Variants in DISC1 observed in about 807,000 individuals in gnomAD.
DISC1 encodes DISC1 scaffold protein.
In DISC1, 57 loss-of-function variants were observed where a neutral mutation model predicts 84.5. The ratio of observed to expected loss-of-function variants is 0.67; its 90% CI spans 0.55 to 0.84. DISC1 has a LOEUF of 0.84. Among genes scored for constraint, DISC1 ranks in the 40% least tolerant of loss-of-function variants. The pLI is 0.00. For missense variants in DISC1, 1,000 were observed against 1,057.8 expected, an observed-to-expected ratio of 0.95 and a Z score of 0.76; for synonymous variants, 411 against 415.2, an observed-to-expected ratio of 0.99 and a Z score of 0.12.
At chr1:231,866,724 A>T in intron 9 of DISC1, 1 of 1,350,312 alleles carries the variant, frequency 7.4e-7, no homozygotes, top group Non-Finnish European at 9.5e-7. Context: ...CATGTCTTCG[A>T]CTTTCTAGTC....
At position 231,795,109 on chromosome 1, in the gene DISC1, G is replaced by C. The variant is rs924303494; in HGVS notation, c.1635-133G>C. The C allele has an allele frequency of 3.9e-5, 32 of 812,418 alleles. No individual in the cohort carries two copies. The African/African-American group carries it at 4.1e-4, about 10-fold the overall frequency. 50.3% of individuals were successfully genotyped at this position (812,418 alleles called of 1,614,324 possible). Reference sequence around the variant, plus strand: ...TTCCGTAGTCAAATGGAGCCAATTTGGCATCATCTTTCCTCCTGCACTTCT... The same window carrying C: ...TTCCGTAGTCAAATGGAGCCAATTTCGCATCATCTTTCCTCCTGCACTTCT... On this transcript the variant is annotated intron_variant, in intron 6 of 12. Transcript: ENST00000439617.
chr1:232,004,962 T>TTCCG (rs1357152075), intron 10 of DISC1, among the ~76,000 whole-genome samples: 3 of 113,062 alleles, frequency 2.7e-5, no homozygotes, highest in Admixed American at 1.7e-4. Flanking sequence ...CCTTCCTTCC[T>TTCCG]TCCTTCTTCC....
intron 6 of DISC1, 125 bp from the exon 7 acceptor site, chr1:231,795,117 C>G: frequency 4.4e-6 from 4 of 913,746 alleles, no homozygotes; most frequent in African/African-American, 1.6e-5. Flanking sequence ...TTGGCATCAT[C>G]TTTCCTCCTG....
At chr1:231,953,080 A>G (rs1658779204) in intron 9 of DISC1, among the ~76,000 whole-genome samples, 1 of 152,172 alleles carries the variant, frequency 6.6e-6, no homozygotes, top group Admixed American at 6.6e-5. Context: ...CAACTGTAAA[A>G]TGGTGATAAT....
At position 231,800,174 on chromosome 1, in the gene DISC1, C is replaced by G. The variant is rs192018321; in HGVS notation, c.1756C>G (p.Pro586Ala). ...AGTTAACGATATTGAAACCCAACTA[C>G]CAGCCTTGCTTGAAGCCAAAATGCA... ...KKVNDIETQL[P>A]ALLEAKMHAI... The change falls in exon 8 of 13, where the codon CCA (proline) becomes GCA (alanine). Residue 586 changes from proline to alanine, a missense_variant. Coordinates refer to ENST00000439617, the MANE Select transcript of DISC1 (RefSeq NM_018662.3). The G allele has an allele frequency of 2.0e-4, 321 of 1,612,132 alleles. 3 individuals are homozygous for G. In the Admixed American group the frequency reaches 5.3e-3, roughly 26 times the overall value.
chr1:231,778,321 G>C (rs2077114792), intron 6 of DISC1, among the ~76,000 whole-genome samples: 1 of 152,210 alleles, frequency 6.6e-6, no homozygotes, highest in African/African-American at 2.4e-5. Context: ...GAACTGGGTG[G>C]CGTGGAAGGT....
chr1:231,964,043 G>A (rs181362978), intron 10 of DISC1, among the ~76,000 whole-genome samples: 99 of 152,298 alleles, frequency 6.5e-4, no homozygotes, highest in African/African-American at 2.3e-3. Flanking sequence ...CTGTCTGCTT[G>A]TGGATTTCAT....
At chr1:231,824,140 A>G (rs943284165) in intron 9 of DISC1, among the ~76,000 whole-genome samples, 2 of 152,104 alleles carry the variant, frequency 1.3e-5, no homozygotes, top group Admixed American at 6.5e-5. Flanking sequence ...GCTACGACCT[A>G]TGTATAAGAA....
At chr1:231,998,457 G>C (rs1229214091) in intron 10 of DISC1, among the ~76,000 whole-genome samples, 3 of 152,158 alleles carry the variant, frequency 2.0e-5, no homozygotes, top group African/African-American at 7.2e-5. Flanking sequence ...ACCTCAATAG[G>C]TTGTAATAAC....
chr1:231,777,377 T>C (rs1044472543), intron 6 of DISC1, among the ~76,000 whole-genome samples: 1 of 152,092 alleles, frequency 6.6e-6, no homozygotes, highest in South Asian at 2.1e-4. Context: ...CATGTCACCA[T>C]GCCAGGCTAA....
At chr1:231,784,581 TTGG>T (rs1177970271) in intron 6 of DISC1, among the ~76,000 whole-genome samples, 1 of 152,222 alleles carries the variant, frequency 6.6e-6, no homozygotes, top group African/African-American at 2.4e-5. Context: ...GTGCCTGATT[TTGG>T]TCAGATTACT....
chr1:231,790,316 A>G (rs544618093), intron 6 of DISC1, among the ~76,000 whole-genome samples: 2 of 152,180 alleles, frequency 1.3e-5, no homozygotes, highest in South Asian at 2.1e-4. Context: ...GGCTGTCGTA[A>G]TAAAGTACCA....
intron 9 of DISC1, among the ~76,000 whole-genome samples, chr1:231,875,812 T>TC (rs2125969334): frequency 6.6e-6 from 1 of 151,952 alleles, no homozygotes; most frequent in East Asian, 1.9e-4. Context: ...CATTCACAAT[T>TC]CCCCCACACA....
intron 9 of DISC1, among the ~76,000 whole-genome samples, chr1:231,828,447 A>G (rs906900609): frequency 1.3e-5 from 2 of 152,192 alleles, no homozygotes; most frequent in African/African-American, 4.8e-5. Context: ...GAAGGTCACC[A>G]AACACGGACA....
intron 9 of DISC1, among the ~76,000 whole-genome samples, chr1:231,921,415 A>G (rs528287793): frequency 6.6e-6 from 1 of 152,326 alleles, no homozygotes; most frequent in African/African-American, 2.4e-5. Context: ...GGTGATAGAG[A>G]TACTGACCCT....
Position 231,626,796 on chromosome 1 carries a change from C to A in DISC1, c.-72C>A. ...TCCCGTCCAGCGCGCTGCTCCCTTC[C>A]CCCCGCCTCTGGCCTCGGGGAAGGA... On this transcript the variant is annotated 5_prime_UTR_variant, in exon 1 of 13. Transcript: ENST00000439617. 1 of 1,190,456 alleles carries A rather than the reference C, an allele frequency of 8.4e-7. No homozygotes were observed. Among genetic ancestry groups the A allele is most frequent in the Non-Finnish European group, 1.1e-6 (1 of 904,470 alleles). 73.7% of individuals were successfully genotyped at this position (1,190,456 alleles called of 1,614,324 possible).
Position 231,905,294 on chromosome 1 carries a change from G to A in DISC1, c.1982-53534G>A, listed in dbSNP as rs115603110. Among the ~76,000 whole-genome samples the A allele has an allele frequency of 1.4e-3, 214 of 152,244 alleles. 1 individual carries two copies. Among genetic ancestry groups the A allele is most frequent in the African/African-American group, 4.9e-3 (204 of 41,542 alleles). On this transcript the variant is annotated intron_variant, in intron 9 of 12. Transcript: ENST00000439617. ...GCATTCCACAAAATAACTGGCCTAT[G>A]GTCTTCAGAAGTGCCAAGGTCAAGA...
Position 231,630,078 on chromosome 1 carries a change from C to T in DISC1, c.67+3144C>T, listed in dbSNP as rs1377668525. Among the ~76,000 whole-genome samples, 2 of 152,074 alleles carry T rather than the reference C, an allele frequency of 1.3e-5. No individual in the cohort carries two copies. The highest frequency in any genetic ancestry group is 2.9e-5 in the Non-Finnish European group (2 of 68,014). ...TCTCGAGTAGTGGGATTACAGGCGC[C>T]CACCACCACATCCAGCTAATTTTTG... is the stretch of plus-strand genomic sequence containing the variant. On this transcript the variant is annotated intron_variant, in intron 1 of 12. Transcript: ENST00000439617. The surrounding 1 kb of genome is among the most constrained non-coding windows in gnomAD (Gnocchi z 4.4).
chr1:231,808,834 C>T (rs943027659), intron 8 of DISC1, among the ~76,000 whole-genome samples: 1 of 152,196 alleles, frequency 6.6e-6, no homozygotes, highest in Non-Finnish European at 1.5e-5. Flanking sequence ...CTGGGGCATC[C>T]CCTGGTCTTC....
Sources: gnomAD v4.1 joint callset for allele counts (sites outside exome capture counted in the v4.1 genomes callset) on GRCh38, gnomAD v4.1.1 for gene constraint, Gnocchi (gnomAD v3.1) non-coding constraint, MANE v1.5 for transcripts, NCBI Gene and HGNC (gene_info 2026-07-23, HGNC 2026-07-21) for gene names.